ANKH: variants seen among roughly 807,000 people sequenced by gnomAD.
ANKH encodes the protein ANKH inorganic pyrophosphate transport regulator.
Under a neutral mutation model 49.0 loss-of-function variants are expected in ANKH, and 15 were observed. The ratio of observed to expected loss-of-function variants is 0.31; its 90% confidence interval spans 0.20 to 0.47. ANKH has a LOEUF of 0.47. Among genes scored for constraint, ANKH ranks in the 20% least tolerant of loss-of-function variants. The probability of loss-of-function intolerance (pLI) is 1.00; values close to 1 mark genes in which losing one functional copy is unlikely to be tolerated. For missense variants in ANKH, 429 were observed against 652.0 expected, an observed-to-expected ratio of 0.66 and a Z score of 3.72; for synonymous variants, 273 against 260.0, an observed-to-expected ratio of 1.05 and a Z score of -0.48.
chr5:14,824,535 G>A (rs547523231), intron 1 of ANKH, among the ~76,000 whole-genome samples: 102 of 152,230 alleles, frequency 6.7e-4, no homozygotes, highest in African/African-American at 2.1e-3. Flanking sequence ...CATAGAATGC[G>A]AATAGCTGTA....
At chr5:14,732,588 ACT>A (rs1561028854) in intron 8 of ANKH, among the ~76,000 whole-genome samples, 1 of 152,078 alleles carries the variant, frequency 6.6e-6, no homozygotes, top group Non-Finnish European at 1.5e-5. Flanking sequence ...GTTAGGGACC[ACT>A]GAGTGTCCCG....
At chr5:14,822,982 C>T (rs192300993) in intron 1 of ANKH, among the ~76,000 whole-genome samples, 20 of 151,304 alleles carry the variant, frequency 1.3e-4, no homozygotes, top group African/African-American at 3.9e-4. Flanking sequence ...TGCAGTGAGC[C>T]GAGATCACGC....
At chr5:14,823,944 C>A (rs1021863840) in intron 1 of ANKH, among the ~76,000 whole-genome samples, 2 of 152,148 alleles carry the variant, frequency 1.3e-5, no homozygotes, top group African/African-American at 4.8e-5. Context: ...AACAAACAAA[C>A]AAACAAATCT....
intron 1 of ANKH, among the ~76,000 whole-genome samples, chr5:14,860,944 G>A (rs940074454): frequency 1.3e-5 from 2 of 151,784 alleles, no homozygotes; most frequent in Non-Finnish European, 2.9e-5. Flanking sequence ...CACCACACCC[G>A]GCTAATTTTT....
chr5:14,859,881 T>G (rs907513827), intron 1 of ANKH, among the ~76,000 whole-genome samples: 2 of 152,258 alleles, frequency 1.3e-5, no homozygotes, highest in Admixed American at 6.5e-5. Flanking sequence ...GTTCAGCTAG[T>G]GAGACTTACT....
intron 1 of ANKH, among the ~76,000 whole-genome samples, chr5:14,805,930 A>G (rs1306374608): frequency 6.6e-6 from 1 of 152,066 alleles, no homozygotes; most frequent in Non-Finnish European, 1.5e-5. Context: ...TGTGCTTCTA[A>G]CTCCTCTGCT....
intron 7 of ANKH, among the ~76,000 whole-genome samples, chr5:14,742,933 TC>T (rs1040438354): frequency 1.3e-5 from 2 of 152,062 alleles, no homozygotes; most frequent in African/African-American, 4.8e-5. Context: ...AACCCTGACC[TC>T]ATTATGGACC....
At chr5:14,727,273 T>TTC (rs1283997701) in intron 8 of ANKH, among the ~76,000 whole-genome samples, 1 of 152,128 alleles carries the variant, frequency 6.6e-6, no homozygotes, top group Non-Finnish European at 1.5e-5. Context: ...AAATCTTGAA[T>TTC]ATTTTCATAA....
chr5:14,826,911 A>C (rs967249968), intron 1 of ANKH, among the ~76,000 whole-genome samples: 3 of 152,172 alleles, frequency 2.0e-5, no homozygotes, highest in Non-Finnish European at 4.4e-5. Context: ...AGGTGGGGCC[A>C]TGTGACCATT....
intron 5 of ANKH, among the ~76,000 whole-genome samples, chr5:14,750,471 G>A (rs1184567586): frequency 6.6e-6 from 1 of 152,140 alleles, no homozygotes; most frequent in Non-Finnish European, 1.5e-5. Flanking sequence ...ATATCCTCAT[G>A]CAGGTGATGT....
intron 1 of ANKH, among the ~76,000 whole-genome samples, chr5:14,776,523 T>A (rs1048757422): frequency 6.6e-6 from 1 of 152,166 alleles, no homozygotes; most frequent in African/African-American, 2.4e-5. Context: ...ACATGAAGGA[T>A]GTGGCGAGCC....
At chr5:14,798,991 C>T (rs920717625) in intron 1 of ANKH, among the ~76,000 whole-genome samples, 16 of 152,188 alleles carry the variant, frequency 1.1e-4, no homozygotes, top group African/African-American at 3.9e-4. Flanking sequence ...ATCAGTTAGC[C>T]AAGTTGTGCA....
chr5:14,759,470 G>T (rs868035190), intron 2 of ANKH, among the ~76,000 whole-genome samples: 4 of 152,186 alleles, frequency 2.6e-5, no homozygotes, highest in Middle Eastern at 6.8e-3. Flanking sequence ...AAAATAACAG[G>T]CCAGGCATGA....
At chr5:14,765,424 TG>T (rs1238385856) in intron 2 of ANKH, among the ~76,000 whole-genome samples, 3 of 152,134 alleles carry the variant, frequency 2.0e-5, no homozygotes, top group African/African-American at 7.2e-5. Context: ...AAGGTTTGCC[TG>T]GGTGGGAAGA....
At chr5:14,855,035 G>A (rs983588572) in intron 1 of ANKH, among the ~76,000 whole-genome samples, 2 of 152,254 alleles carry the variant, frequency 1.3e-5, no homozygotes, top group South Asian at 2.1e-4. Flanking sequence ...TTCCCAGTCC[G>A]GGTTCACTTA....
intron 1 of ANKH, among the ~76,000 whole-genome samples, chr5:14,819,125 G>A (rs940269980): frequency 6.6e-6 from 1 of 152,166 alleles, no homozygotes; most frequent in Admixed American, 6.5e-5. Flanking sequence ...TGGCACTGTG[G>A]TCCACTGTCC....
chr5:14,865,900 A>G (rs1433375176), intron 1 of ANKH, among the ~76,000 whole-genome samples: 2 of 152,220 alleles, frequency 1.3e-5, no homozygotes, highest in African/African-American at 4.8e-5. Flanking sequence ...GAACACTCCT[A>G]TTACACATCT....
chr5:14,859,332 G>A (rs572368513), intron 1 of ANKH, among the ~76,000 whole-genome samples: 7 of 152,224 alleles, frequency 4.6e-5, no homozygotes, highest in African/African-American at 1.4e-4. Context: ...TGCCTATATT[G>A]TAGCATACAT....
At chr5:14,746,004 G>C in intron 6 of ANKH, 42 bp from the exon 7 acceptor site, 1 of 1,552,344 alleles carries the variant, frequency 6.4e-7, no homozygotes, top group Non-Finnish European at 8.9e-7. Flanking sequence ...GGTACCAGCA[G>C]GAAGTCCTCC....
Sources: allele counts gnomAD v4.1 joint callset (sites outside exome capture counted in the v4.1 genomes callset), GRCh38; gene constraint gnomAD v4.1.1; transcripts MANE v1.5; gene names NCBI Gene and HGNC (gene_info 2026-07-23, HGNC 2026-07-21).